Variants in EPB41L3 observed in about 807,000 individuals in gnomAD.
EPB41L3 encodes erythrocyte membrane protein band 4.1 like 3.
EPB41L3 carries 57 observed loss-of-function variants against 127.1 expected under a neutral mutation model. That is an observed-to-expected ratio of 0.45 (90% confidence interval 0.36 to 0.56). The LOEUF (loss-of-function observed/expected upper bound fraction) is 0.56, where lower values mean the gene tolerates loss of function less well. Among genes scored for constraint, EPB41L3 ranks in the 20% least tolerant of loss-of-function variants. The pLI is 0.00. For missense variants in EPB41L3, 1,273 were observed against 1,372.2 expected (o/e 0.93, Z 1.14); for synonymous variants, 572 against 549.5 (o/e 1.04, Z -0.57).
At chr18:5,600,483 T>C (rs9959992) in intron 3 of EPB41L3, among the ~76,000 whole-genome samples, 3,798 of 152,218 alleles carry the variant, frequency 0.025, 127 homozygotes, top group African/African-American at 0.081. Flanking sequence ...TGCTTTACAG[T>C]CTCATCATAA....
At chr18:5,538,110 T>C (rs1475784854) in intron 1 of EPB41L3, among the ~76,000 whole-genome samples, 4 of 152,220 alleles carry the variant, frequency 2.6e-5, no homozygotes, top group Admixed American at 2.6e-4. Context: ...TCTTCTTATC[T>C]AAAGAACTCT....
intron 3 of EPB41L3, among the ~76,000 whole-genome samples, chr18:5,461,029 T>C (rs556350255): frequency 1.3e-5 from 2 of 152,120 alleles, no homozygotes; most frequent in South Asian, 2.1e-4. Context: ...GGTGTTTTAT[T>C]TTTTTCCCCC....
intron 1 of EPB41L3, among the ~76,000 whole-genome samples, chr18:5,536,994 G>A (rs1056364070): frequency 1.4e-4 from 21 of 152,310 alleles, no homozygotes; most frequent in African/African-American, 4.8e-4. Context: ...ACCAGATACT[G>A]TGCTCAGTGT....
At chr18:5,630,521 C>A (rs764729445), upstream of EPB41L3, 4 of 518,034 alleles carry the variant, frequency 7.7e-6, no homozygotes, top group South Asian at 5.6e-5. Flanking sequence ...CTCTTTCCTT[C>A]GAATTCTCCG....
At chr18:5,542,481 C>A (rs371257095) in intron 1 of EPB41L3, among the ~76,000 whole-genome samples, 24 of 152,172 alleles carry the variant, frequency 1.6e-4, no homozygotes, top group Admixed American at 4.6e-4. Context: ...TCCCCACCCC[C>A]CCTCAACAAA....
chr18:5,556,674 T>C (rs2094040183), intron 3 of EPB41L3, among the ~76,000 whole-genome samples: 1 of 152,136 alleles, frequency 6.6e-6, no homozygotes, highest in Non-Finnish European at 1.5e-5. Flanking sequence ...CAATGAGTTT[T>C]TCTGTCTGTC....
chr18:5,404,596 C>G (rs2075052769), intron 16 of EPB41L3, among the ~76,000 whole-genome samples: 1 of 152,132 alleles, frequency 6.6e-6, no homozygotes, highest in South Asian at 2.1e-4. Flanking sequence ...TGTTAATTCT[C>G]TAATGTTTAG....
At chr18:5,607,821 G>A (rs1184452959) in intron 3 of EPB41L3, among the ~76,000 whole-genome samples, 2 of 152,206 alleles carry the variant, frequency 1.3e-5, no homozygotes, top group African/African-American at 2.4e-5. Flanking sequence ...AGAACTTTAC[G>A]TAACTGCCAG....
chr18:5,599,435 T>C (rs533323411), intron 3 of EPB41L3, among the ~76,000 whole-genome samples: 2 of 152,272 alleles, frequency 1.3e-5, no homozygotes, highest in African/African-American at 4.8e-5. Context: ...AGACCAGTAT[T>C]TAGTCCCTGA....
chr18:5,545,854 C>G (rs2093870624), upstream of EPB41L3, among the ~76,000 whole-genome samples: 1 of 147,144 alleles, frequency 6.8e-6, no homozygotes, highest in Non-Finnish European at 1.5e-5. Context: ...GCACATATCA[C>G]ATACGCACCT....
At chr18:5,489,654 A>T (rs2090356458) in intron 1 of EPB41L3, among the ~76,000 whole-genome samples, 1 of 152,182 alleles carries the variant, frequency 6.6e-6, no homozygotes, top group Non-Finnish European at 1.5e-5. Context: ...CAACCCCCTG[A>T]ATCTACAGAT....
chr18:5,424,469 A>G (rs1439738044), intron 9 of EPB41L3, 110 bp from the exon 10 acceptor site: 1 of 792,204 alleles, frequency 1.3e-6, no homozygotes, highest in Non-Finnish European at 2.0e-6. Flanking sequence ...AAATTTACTT[A>G]CTAGATCAAT....
chr18:5,554,405 A>AC (rs2094005757), intron 3 of EPB41L3, among the ~76,000 whole-genome samples: 1 of 152,220 alleles, frequency 6.6e-6, no homozygotes, highest in Admixed American at 6.5e-5. Context: ...TACAAGTATA[A>AC]AATTGAAGAA....
At chr18:5,441,906 G>C (rs2080842765) in intron 5 of EPB41L3, among the ~76,000 whole-genome samples, 1 of 152,012 alleles carries the variant, frequency 6.6e-6, no homozygotes, top group Admixed American at 6.5e-5. Context: ...TGATTGTCTT[G>C]TCCCTTTAGC....
chr18:5,490,968 CCTAGT>C (rs1438317019), intron 1 of EPB41L3, among the ~76,000 whole-genome samples: 3 of 152,198 alleles, frequency 2.0e-5, no homozygotes, highest in Non-Finnish European at 4.4e-5. Context: ...TCAAGGAGCT[CCTAGT>C]CTGTGCCGGA....
chr18:5,519,692 C>A (rs1261845626), intron 1 of EPB41L3, among the ~76,000 whole-genome samples: 1 of 152,188 alleles, frequency 6.6e-6, no homozygotes. Flanking sequence ...GGGACCGGGA[C>A]AAATCTTGCT....
chr18:5,489,472 T>C (rs2090329835), intron 1 of EPB41L3: 1 of 374,446 alleles, frequency 2.7e-6, no homozygotes, highest in Non-Finnish European at 4.7e-6. Flanking sequence ...CAACGGATTG[T>C]TAAATGACAT....
intron 3 of EPB41L3, among the ~76,000 whole-genome samples, chr18:5,571,749 C>A (rs2094283538): frequency 6.6e-6 from 1 of 152,202 alleles, no homozygotes; most frequent in African/African-American, 2.4e-5. Context: ...TATGTCCTTA[C>A]ATTTCATCAG....
chr18:5,500,833 C>T (rs28491200), intron 1 of EPB41L3, among the ~76,000 whole-genome samples: 23,024 of 152,166 alleles, frequency 0.15, 1,848 homozygotes, highest in Non-Finnish European at 0.17. Context: ...TAAATTCAAA[C>T]GAACAGCAGA....
Sources: allele counts gnomAD v4.1 joint callset (sites outside exome capture counted in the v4.1 genomes callset), GRCh38; gene constraint gnomAD v4.1.1; transcripts MANE v1.5; gene names NCBI Gene and HGNC (gene_info 2026-07-23, HGNC 2026-07-21).